DEFA1: variants seen among roughly 807,000 people sequenced by gnomAD.
DEFA1 encodes the protein defensin alpha 1.
intron 1 of DEFA1, 145 bp downstream of exon 1, chr8:6,979,868 C>T (rs1176197137): frequency 8.2e-6 from 1 of 122,590 alleles, no homozygotes; most frequent in Non-Finnish European, 1.7e-5. Flanking sequence ...TCGTCCCCAG[C>T]AGTCACCAGA....
Sources: gnomAD v4.1 joint callset for allele counts on GRCh38, gnomAD v4.1.1 for gene constraint, MANE v1.5 for transcripts, NCBI Gene and HGNC (gene_info 2026-07-23, HGNC 2026-07-21) for gene names.